Variants in PHLPP2 observed in about 807,000 individuals in gnomAD.
The protein encoded by PHLPP2 is PH domain leucine-rich repeat-containing protein phosphatase 2.
Under a neutral mutation model 124.9 loss-of-function variants are expected in PHLPP2, and 66 were observed. That is an observed-to-expected ratio of 0.53 (90% confidence interval 0.43 to 0.65). The LOEUF (loss-of-function observed/expected upper bound fraction) is 0.65. Ranked by LOEUF, PHLPP2 falls within the 30% of genes least tolerant of loss-of-function variation. PHLPP2 has a pLI of 0.00. For missense variants in PHLPP2, 1,685 were observed against 1,600.4 expected, an observed-to-expected ratio of 1.05 and a Z score of -0.90; for synonymous variants, 681 against 624.7, an observed-to-expected ratio of 1.09 and a Z score of -1.34.
chr16:71,673,849 A>C (rs919265220), intron 9 of PHLPP2, among the ~76,000 whole-genome samples: 1 of 152,166 alleles, frequency 6.6e-6, no homozygotes, highest in Admixed American at 6.6e-5. Context: ...TATAAACAGC[A>C]TAAGTCAACA....
At chr16:71,684,658 A>T in intron 4 of PHLPP2, 57 bp from the exon 5 acceptor site, 1 of 1,497,702 alleles carries the variant, frequency 6.7e-7, no homozygotes, top group Non-Finnish European at 9.0e-7. Flanking sequence ...CCTAGTCAAA[A>T]AGCAAAAGGC....
intron 3 of PHLPP2, among the ~76,000 whole-genome samples, chr16:71,695,712 GAA>G (rs55695223): frequency 3.1e-4 from 38 of 121,864 alleles, no homozygotes; most frequent in East Asian, 6.3e-4. Flanking sequence ...CTCTGTCTCA[GAA>G]AAAAAAAAAA....
At chr16:71,650,065 A>G in intron 18 of PHLPP2, 21 bp from the exon 19 acceptor site, 1 of 1,583,184 alleles carries the variant, frequency 6.3e-7, no homozygotes, top group South Asian at 1.1e-5. Flanking sequence ...GCAGGACACA[A>G]ATTCTGAGAA....
chr16:71,674,078 CTTT>C (rs35193489), intron 9 of PHLPP2, among the ~76,000 whole-genome samples: 7 of 139,466 alleles, frequency 5.0e-5, no homozygotes, highest in Non-Finnish European at 4.7e-5. Flanking sequence ...ATGTGGCAGA[CTTT>C]TTTTTTTTTT....
At chr16:71,723,807 G>A in intron 1 of PHLPP2, 1 of 1,296,236 alleles carries the variant, frequency 7.7e-7, no homozygotes, top group Non-Finnish European at 9.8e-7. Flanking sequence ...CGGCTCGCGG[G>A]CGCTTCGGGC....
At position 71,682,267 on chromosome 16, in the gene PHLPP2, G is replaced by A. The variant is rs1007059598; in HGVS notation, c.736-362C>T. On this transcript the variant is annotated intron_variant, in intron 5 of 18. Coordinates refer to ENST00000568954, the MANE Select transcript of PHLPP2 (RefSeq NM_015020.3). ...GAGTCTTGCTCTGTCAGCCAGGCTG[G>A]AGTGCAGTGGCACGATCTCAGCTTA... Among the ~76,000 whole-genome samples the A allele has an allele frequency of 6.7e-5, 10 of 150,050 alleles. 1 individual carries two copies. The highest frequency in any genetic ancestry group is 2.5e-4 in the African/African-American group (10 of 40,730).
At chr16:71,668,415 CAAAAAAAA>C (rs34860764) in intron 11 of PHLPP2, among the ~76,000 whole-genome samples, 2 of 26,944 alleles carry the variant, frequency 7.4e-5, no homozygotes, top group Non-Finnish European at 1.3e-4. Context: ...GACTCTGTCT[CAAAAAAAA>C]AAAAAAAAAA....
intron 13 of PHLPP2, among the ~76,000 whole-genome samples, chr16:71,663,287 A>C (rs2044809210): frequency 6.6e-6 from 1 of 152,114 alleles, no homozygotes. Context: ...AATATTTTGT[A>C]GTTTTAGTAG....
At chr16:71,710,381 T>TA (rs1301650573) in intron 2 of PHLPP2, among the ~76,000 whole-genome samples, 1 of 151,970 alleles carries the variant, frequency 6.6e-6, no homozygotes, top group Admixed American at 6.6e-5. Context: ...AACTCATGGT[T>TA]AAAAAAAACA....
intron 5 of PHLPP2, among the ~76,000 whole-genome samples, chr16:71,682,156 T>C (rs2045005944): frequency 6.6e-6 from 1 of 151,844 alleles, no homozygotes; most frequent in Non-Finnish European, 1.5e-5. Flanking sequence ...ACACATATCA[T>C]TAAAGATGGA....
At chr16:71,673,952 T>A (rs2044918653) in intron 9 of PHLPP2, among the ~76,000 whole-genome samples, 1 of 152,192 alleles carries the variant, frequency 6.6e-6, no homozygotes, top group Non-Finnish European at 1.5e-5. Flanking sequence ...CAAACAGAAG[T>A]CCTCAACTTT....
chr16:71,655,037 A>T, intron 17 of PHLPP2: 1 of 515,976 alleles, frequency 1.9e-6, no homozygotes, highest in South Asian at 3.3e-5. Flanking sequence ...GATTCAACAG[A>T]GAAAACAGAT....
At chr16:71,689,443 G>T (rs561577687) in intron 4 of PHLPP2, among the ~76,000 whole-genome samples, 2 of 148,644 alleles carry the variant, frequency 1.3e-5, no homozygotes, top group South Asian at 4.3e-4. Flanking sequence ...CCCAGGCTGG[G>T]GTGCAATGGC....
intron 3 of PHLPP2, among the ~76,000 whole-genome samples, chr16:71,702,237 A>G (rs1352797303): frequency 6.6e-6 from 1 of 152,242 alleles, no homozygotes; most frequent in Non-Finnish European, 1.5e-5. Flanking sequence ...TATGATAATG[A>G]TTACTTACTC....
At chr16:71,654,204 GAAAAAA>G (rs765826548) in intron 17 of PHLPP2, among the ~76,000 whole-genome samples, 10 of 72,360 alleles carry the variant, frequency 1.4e-4, no homozygotes, top group Admixed American at 3.1e-4. Flanking sequence ...TCTCAAAAAA[GAAAAAA>G]AAAAAAAAAA....
intron 13 of PHLPP2, among the ~76,000 whole-genome samples, chr16:71,663,030 C>G (rs1488732132): frequency 6.6e-6 from 1 of 152,152 alleles, no homozygotes; most frequent in African/African-American, 2.4e-5. Flanking sequence ...GAGCCTAGCC[C>G]CATCCCCAGG....
In PHLPP2 at chr16:71,649,860, C is replaced by T. The variant is rs770864666; in HGVS notation, c.3002G>A (p.Arg1001His). The change falls in exon 19 of 19, where the codon CGT becomes CAT. Residue 1001 changes from arginine (R) to histidine (H), a missense_variant. Coordinates refer to ENST00000568954, the MANE Select transcript of PHLPP2 (RefSeq NM_015020.3). ...LSYTEAVNAV[R>H]HVQDPLAAAK... ...AGCTGCTAATGGGTCTTGTACGTGACGTACAGCATTGACAGCTTCTGTGTA... is the reference window on the plus strand; with the variant it reads ...AGCTGCTAATGGGTCTTGTACGTGATGTACAGCATTGACAGCTTCTGTGTA... 19 of 1,614,106 alleles carry T rather than the reference C, an allele frequency of 1.2e-5. No individual in the cohort carries two copies. The South Asian group carries it at 1.2e-4, about 10-fold the overall frequency.
At chr16:71,659,539 C>G (rs2044771300) in intron 13 of PHLPP2, among the ~76,000 whole-genome samples, 1 of 152,178 alleles carries the variant, frequency 6.6e-6, no homozygotes, top group Non-Finnish European at 1.5e-5. Context: ...GCATGAGCCA[C>G]CGCACCCGGC....
chr16:71,695,030 CCGTCT>C (rs1376984602), intron 3 of PHLPP2, among the ~76,000 whole-genome samples: 2 of 152,096 alleles, frequency 1.3e-5, no homozygotes, highest in African/African-American at 4.8e-5. Flanking sequence ...CATGATCCGC[CCGTCT>C]TGGCATCCCA....
Sources: allele counts gnomAD v4.1 joint callset (sites outside exome capture counted in the v4.1 genomes callset), GRCh38; gene constraint gnomAD v4.1.1; transcripts MANE v1.5; gene names NCBI Gene and HGNC (gene_info 2026-07-23, HGNC 2026-07-21).